TLE4: variants seen among roughly 807,000 people sequenced by gnomAD.
TLE4 encodes the protein transducin-like enhancer protein 4.
In TLE4, 8 loss-of-function variants were observed where a neutral mutation model predicts 92.8. The observed-to-expected ratio is 0.09, with a 90% CI of 0.05 to 0.16. The LOEUF (loss-of-function observed/expected upper bound fraction) is 0.16, where lower values mean the gene tolerates loss of function less well. Among genes scored for constraint, TLE4 ranks in the 10% least tolerant of loss-of-function variants. The probability of loss-of-function intolerance (pLI) is 1.00; values close to 1 mark genes in which losing one functional copy is unlikely to be tolerated. For synonymous variants in TLE4, 371 were observed against 374.1 expected (o/e 0.99, Z 0.10); for missense variants, 675 against 997.6 (o/e 0.68, Z 4.36).
At chr9:79,603,805 T>C (rs377406076) in intron 4 of TLE4, among the ~76,000 whole-genome samples, 2 of 152,150 alleles carry the variant, frequency 1.3e-5, no homozygotes, top group East Asian at 3.9e-4. Flanking sequence ...GCGTATTGAG[T>C]GTCTTTGACA....
At chr9:79,679,656 A>G (rs1035873308) in intron 8 of TLE4, among the ~76,000 whole-genome samples, 2 of 152,108 alleles carry the variant, frequency 1.3e-5, no homozygotes, top group African/African-American at 4.8e-5. Context: ...TTCTCTTGCC[A>G]TTGCTTTTGG....
rs1397420821 is a variant in TLE4, at chr9:79,718,826, A to G, written c.1445A>G (p.Asn482Ser). Reference protein sequence around the residue: ...PGIPRHARQINTLNHGEVVCA... With the variant: ...PGIPRHARQISTLNHGEVVCA... Reference sequence around the variant, plus strand: ...ATCCCCCGGCATGCTCGCCAGATCAACACCCTCAACCACGGGGAGGTGGTG... The same window carrying G: ...ATCCCCCGGCATGCTCGCCAGATCAGCACCCTCAACCACGGGGAGGTGGTG... The change falls in exon 15 of 20, where the codon AAC (asparagine) becomes AGC (serine). Residue 482 changes from asparagine to serine, a missense_variant. Asn to Ser is a conservative substitution (Grantham distance 46, BLOSUM62 1). Coordinates refer to ENST00000376552, the MANE Select transcript of TLE4 (RefSeq NM_007005.6). 5.0e-6 allele frequency: 8 copies of G among 1,614,054 alleles called. No homozygotes were observed. The highest frequency in any genetic ancestry group is 6.8e-6 in the Non-Finnish European group (8 of 1,180,010).
chr9:79,640,443 T>C lies in TLE4; in HGVS notation c.391-12150T>C, dbSNP rs185759672. ...TTTTAATTTTTTTTTTCACTCCGCC[T>C]ATCTTCATTTAACATATAAGTTTCT... On this transcript the variant is annotated intron_variant, in intron 6 of 19. Transcript: ENST00000376552. 3.5e-3 allele frequency among the ~76,000 whole-genome samples: 529 copies of C among 152,210 alleles called. 2 individuals are homozygous for C. Among genetic ancestry groups the C allele is most frequent in the Non-Finnish European group, 5.3e-3 (363 of 68,004 alleles).
chr9:79,657,576 G>C (rs186767433), intron 8 of TLE4, among the ~76,000 whole-genome samples: 1 of 152,200 alleles, frequency 6.6e-6, no homozygotes, highest in East Asian at 1.9e-4. Context: ...AGAGGAGTCA[G>C]CTGCCCAGAC....
At chr9:79,606,187 G>GTTGTTTTT (rs2046834923) in intron 4 of TLE4, among the ~76,000 whole-genome samples, 11 of 28,674 alleles carry the variant, frequency 3.8e-4, no homozygotes, top group Admixed American at 4.9e-4. Flanking sequence ...AGTAGTAGTT[G>GTTGTTTTT]TTTTTTTTTT....
intron 5 of TLE4, among the ~76,000 whole-genome samples, chr9:79,621,914 T>C (rs182655772): frequency 2.6e-5 from 4 of 152,302 alleles, no homozygotes; most frequent in Admixed American, 2.6e-4. Context: ...CTAAGTATCT[T>C]TCACCCTAGA....
intron 6 of TLE4, among the ~76,000 whole-genome samples, chr9:79,643,049 A>G (rs2057464544): frequency 6.6e-6 from 1 of 152,158 alleles, no homozygotes; most frequent in South Asian, 2.1e-4. Flanking sequence ...CTTTCCATAT[A>G]TTCACTTAAC....
At chr9:79,684,372 G>C (rs1409128677) in intron 8 of TLE4, among the ~76,000 whole-genome samples, 6 of 152,148 alleles carry the variant, frequency 3.9e-5, no homozygotes, top group Non-Finnish European at 4.4e-5. Flanking sequence ...GGAGGTGAGT[G>C]GCGGCTGAGT....
rs764826225 is a variant in TLE4, at chr9:79,572,790, G to A, written c.-1G>A. 4 of 1,602,062 alleles carry A rather than the reference G, an allele frequency of 2.5e-6. No homozygotes were observed. The highest frequency in any genetic ancestry group is 3.4e-6 in the Non-Finnish European group (4 of 1,174,994). Reference sequence around the variant, plus strand: ...GAGCGCAGCCAACTAAATCGGCTTGGATGATTCGCGACCTGAGCAAGATGT... The same window carrying A: ...GAGCGCAGCCAACTAAATCGGCTTGAATGATTCGCGACCTGAGCAAGATGT... On this transcript the variant is annotated 5_prime_UTR_variant, in exon 1 of 20. Transcript: ENST00000376552.
intron 8 of TLE4, among the ~76,000 whole-genome samples, chr9:79,657,813 G>A (rs1169577059): frequency 1.6e-4 from 25 of 152,246 alleles, no homozygotes; most frequent in Middle Eastern, 3.4e-3. Context: ...AATATAAGTC[G>A]CAAAATTCAC....
At chr9:79,675,160 AC>A (rs1681457101) in intron 8 of TLE4, among the ~76,000 whole-genome samples, 1 of 152,174 alleles carries the variant, frequency 6.6e-6, no homozygotes, top group South Asian at 2.1e-4. Flanking sequence ...ACAAGCACTT[AC>A]ACTTGCAATG....
intron 6 of TLE4, among the ~76,000 whole-genome samples, chr9:79,645,042 T>A (rs559670030): frequency 3.9e-5 from 6 of 152,306 alleles, no homozygotes; most frequent in African/African-American, 1.2e-4. Context: ...ACTCCATTCC[T>A]GAAAATGTTT....
At chr9:79,637,529 T>C (rs1032868746) in intron 6 of TLE4, among the ~76,000 whole-genome samples, 2 of 152,186 alleles carry the variant, frequency 1.3e-5, no homozygotes, top group African/African-American at 4.8e-5. Context: ...TGAGATCCAC[T>C]GATAGGATTG....
At chr9:79,578,772 C>T (rs893885266) in intron 4 of TLE4, among the ~76,000 whole-genome samples, 5 of 150,550 alleles carry the variant, frequency 3.3e-5, no homozygotes, top group Non-Finnish European at 5.9e-5. Flanking sequence ...TGTTTGAGAA[C>T]ATAATTAATT....
At chr9:79,681,860 G>GTA (rs762953566) in intron 8 of TLE4, among the ~76,000 whole-genome samples, 1 of 137,010 alleles carries the variant, frequency 7.3e-6, no homozygotes, top group East Asian at 2.0e-4. Flanking sequence ...GTGTGTGTGT[G>GTA]TGTATGTGTG....
rs562818602 is a variant in TLE4 at position 79,717,585 on chromosome 9, A to G, written c.1341-1137A>G. On this transcript the variant is annotated intron_variant, in intron 14 of 19. Coordinates refer to ENST00000376552, the MANE Select transcript of TLE4 (RefSeq NM_007005.6). ...GGGAGCATTCAGGTAGTTGAGGACC[A>G]TTCAATAATGGACTGAATTTTGATG... is the stretch of plus-strand genomic sequence containing the variant. 5.3e-5 allele frequency among the ~76,000 whole-genome samples: 8 copies of G among 152,336 alleles called. No individual in the cohort carries two copies. The East Asian group carries it at 1.5e-3, about 29-fold the overall frequency.
chr9:79,634,392 C>CAT (rs1315707871), intron 6 of TLE4, among the ~76,000 whole-genome samples: 4 of 152,130 alleles, frequency 2.6e-5, no homozygotes, highest in African/African-American at 9.7e-5. Context: ...AATGAAGCAG[C>CAT]ATACATTTAC....
intron 4 of TLE4, among the ~76,000 whole-genome samples, chr9:79,586,152 C>A (rs1267856060): frequency 6.7e-6 from 1 of 148,856 alleles, no homozygotes; most frequent in African/African-American, 2.4e-5. Context: ...GTGGGTGGAT[C>A]ATGAGGTCAG....
chr9:79,711,664 A>G (rs2073322902), intron 14 of TLE4, among the ~76,000 whole-genome samples: 1 of 152,148 alleles, frequency 6.6e-6, no homozygotes, highest in South Asian at 2.1e-4. Flanking sequence ...TGGCTAAGGG[A>G]TTTGGACCAG....
Sources: allele counts gnomAD v4.1 joint callset (sites outside exome capture counted in the v4.1 genomes callset), GRCh38; gene constraint gnomAD v4.1.1; transcripts MANE v1.5; gene names NCBI Gene and HGNC (gene_info 2026-07-23, HGNC 2026-07-21).